ILKAP: variants seen among roughly 807,000 people sequenced by gnomAD.
ILKAP encodes integrin-linked kinase-associated serine/threonine phosphatase 2C.
A neutral mutation model predicts 49.1 loss-of-function variants in ILKAP; 11 were observed. The observed-to-expected ratio is 0.22, with a 90% CI of 0.14 to 0.37. The LOEUF is 0.37. Ranked by LOEUF, ILKAP falls within the 10% of genes least tolerant of loss-of-function variation. ILKAP has a pLI of 1.00. For synonymous variants in ILKAP, 186 were observed against 192.8 expected (o/e 0.96, Z 0.29); for missense variants, 363 against 510.8 (o/e 0.71, Z 2.79).
chr2:238,191,797 C>T lies in ILKAP; in HGVS notation c.179-1825G>A, dbSNP rs146177282. ...GGTAGCGCCTGTAATCCCAGCTACT[C>T]GGGAGGCTGAGGCACGAGACTCACT... On this transcript the variant is annotated intron_variant, in intron 3 of 11. Coordinates refer to ENST00000254654, the MANE Select transcript of ILKAP (RefSeq NM_030768.3). Among the ~76,000 whole-genome samples, 777 of 151,670 alleles carry T rather than the reference C, an allele frequency of 5.1e-3. 8 individuals are homozygous for T. The highest frequency in any genetic ancestry group is 0.022 in the East Asian group (114 of 5,152).
intron 11 of ILKAP, 27 bp from the exon 12 acceptor site, chr2:238,170,703 A>T (rs1693176204): frequency 6.3e-7 from 1 of 1,595,428 alleles, no homozygotes; most frequent in African/African-American, 1.3e-5. Context: ...GGAATGAGTG[A>T]ATGGAGTGAC....
At chr2:238,174,343 C>T (rs371534981) in intron 9 of ILKAP, among the ~76,000 whole-genome samples, 57 of 152,294 alleles carry the variant, frequency 3.7e-4, no homozygotes, top group African/African-American at 1.3e-3. Flanking sequence ...AAGCCTACTG[C>T]CCCAAAGAAC....
chr2:238,180,881 G>C (rs1305790390), intron 9 of ILKAP, among the ~76,000 whole-genome samples: 1 of 152,250 alleles, frequency 6.6e-6, no homozygotes, highest in Non-Finnish European at 1.5e-5. Context: ...TTACAAGAAA[G>C]GGGAGAAGAG....
At chr2:238,195,089 T>C (rs988489531) in intron 1 of ILKAP, among the ~76,000 whole-genome samples, 5 of 152,250 alleles carry the variant, frequency 3.3e-5, no homozygotes, top group African/African-American at 9.6e-5. Flanking sequence ...AAAGCAATGA[T>C]TGATGCCCTA....
In ILKAP at chr2:238,194,797, G is replaced by A. The variant is rs1019305871; in HGVS notation, c.121+8C>T. The A allele has an allele frequency of 6.2e-7, 1 of 1,613,568 alleles. No individual in the cohort carries two copies. The highest frequency in any genetic ancestry group is 1.3e-5 in the African/African-American group (1 of 74,926). ...TGACACACACCTGGGAGAGCCTGAA[G>A]ACTGTACCTGAGTCAGTACTGCTGG... On this transcript the variant is annotated splice_region_variant and intron_variant, in intron 2 of 11. Transcript: ENST00000254654.
chr2:238,198,291 T>A (rs1165675296), intron 1 of ILKAP, among the ~76,000 whole-genome samples: 1 of 151,878 alleles, frequency 6.6e-6, no homozygotes, highest in Non-Finnish European at 1.5e-5. Flanking sequence ...CAGGTTGGAG[T>A]GCAGTGGTGT....
chr2:238,180,981 G>A (rs1042639633), intron 9 of ILKAP, among the ~76,000 whole-genome samples: 2 of 152,190 alleles, frequency 1.3e-5, no homozygotes, highest in African/African-American at 4.8e-5. Context: ...CAAAAACTGG[G>A]CCAACAGCAC....
At chr2:238,185,602 G>C (rs10187111) in intron 5 of ILKAP, 2,770 of 244,830 alleles carry the variant, frequency 0.011, 51 homozygotes, top group African/African-American at 0.045. Flanking sequence ...AGGAGATCAA[G>C]ACCATCCTGG....
At chr2:238,196,553 A>G (rs571874331) in intron 1 of ILKAP, among the ~76,000 whole-genome samples, 3 of 152,172 alleles carry the variant, frequency 2.0e-5, no homozygotes, top group East Asian at 3.9e-4. Flanking sequence ...AAACAAATAA[A>G]TTTATATCCC....
In ILKAP at chr2:238,203,486, C is replaced by T; in HGVS notation, c.55+13G>A. 1 of 1,248,114 alleles carries T rather than the reference C, an allele frequency of 8.0e-7. No individual in the cohort carries two copies. Among genetic ancestry groups the T allele is most frequent in the South Asian group, 2.0e-5 (1 of 50,860 alleles). The allele number at this position is 1,248,114 out of a possible 1,614,324, so 77.3% of individuals were successfully genotyped here. A position where few individuals can be genotyped will look rare whatever the true frequency, so the allele number is the denominator to read the frequency against. On this transcript the variant is annotated intron_variant, in intron 1 of 11. Coordinates refer to ENST00000254654, the MANE Select transcript of ILKAP (RefSeq NM_030768.3). ...CTCCCTTCCCTGGCCGGCCCGGCGGCAACGCCGCTTACCGGCAGCCGGGCG... is the reference window on the plus strand; with the variant it reads ...CTCCCTTCCCTGGCCGGCCCGGCGGTAACGCCGCTTACCGGCAGCCGGGCG...
chr2:238,183,563 T>C lies in ILKAP; in HGVS notation c.714+90A>G, dbSNP rs543118450. The C allele has an allele frequency of 2.7e-5, 24 of 902,872 alleles. No homozygotes were observed. The South Asian group carries it at 3.1e-4, about 12-fold the overall frequency. The allele number at this position is 902,872 out of a possible 1,614,324, so 55.9% of individuals were successfully genotyped here. On this transcript the variant is annotated intron_variant, in intron 8 of 11. Transcript: ENST00000254654. ...GAAGAAAGGTTTCAACCAGACACCATCACTTTAATCTTATTCAACAAGTAC... is the reference window on the plus strand; with the variant it reads ...GAAGAAAGGTTTCAACCAGACACCACCACTTTAATCTTATTCAACAAGTAC...
chr2:238,201,133 C>T (rs527980611), intron 1 of ILKAP, among the ~76,000 whole-genome samples: 2 of 152,230 alleles, frequency 1.3e-5, no homozygotes, highest in Admixed American at 1.3e-4. Context: ...ACAGTTTAGA[C>T]TCATTATTCC....
chr2:238,201,652 T>G (rs1234354476), intron 1 of ILKAP, among the ~76,000 whole-genome samples: 2 of 152,256 alleles, frequency 1.3e-5, no homozygotes, highest in Non-Finnish European at 2.9e-5. Context: ...CCAGGTTTTT[T>G]GTCAGTCAAG....
At chr2:238,202,719 C>G (rs1694620413) in intron 1 of ILKAP, among the ~76,000 whole-genome samples, 1 of 151,996 alleles carries the variant, frequency 6.6e-6, no homozygotes, top group Non-Finnish European at 1.5e-5. Context: ...AGATGAAACC[C>G]GGAGACTGTA....
intron 6 of ILKAP, among the ~76,000 whole-genome samples, chr2:238,184,369 T>C (rs1180379122): frequency 6.6e-6 from 1 of 152,104 alleles, no homozygotes; most frequent in Non-Finnish European, 1.5e-5. Context: ...TTTGTGTTTT[T>C]AGTAGAGACA....
chr2:238,202,554 C>CAG (rs554952998), intron 1 of ILKAP, among the ~76,000 whole-genome samples: 146 of 152,306 alleles, frequency 9.6e-4, no homozygotes, highest in African/African-American at 3.3e-3. Context: ...ACCCCACTCT[C>CAG]AGGGATTCGG....
chr2:238,203,302 G>A (rs1694654291), intron 1 of ILKAP, among the ~76,000 whole-genome samples, 197 bp downstream of exon 1: 2 of 150,690 alleles, frequency 1.3e-5, no homozygotes, highest in Non-Finnish European at 3.0e-5. Context: ...GCCTCTCCGA[G>A]CTCCGCGAGC....
At chr2:238,187,272 C>T (rs1693945613) in intron 5 of ILKAP, among the ~76,000 whole-genome samples, 1 of 152,124 alleles carries the variant, frequency 6.6e-6, no homozygotes, top group Non-Finnish European at 1.5e-5. Context: ...GTATCTCGTC[C>T]CCTCTACATA....
chr2:238,194,657 G>A (rs1156397192), intron 2 of ILKAP, 148 bp downstream of exon 2: 3 of 776,632 alleles, frequency 3.9e-6, no homozygotes, highest in Non-Finnish European at 6.3e-6. Context: ...TGCCTTACCT[G>A]ATGCCATGGA....
Sources: gnomAD v4.1 joint callset for allele counts (sites outside exome capture counted in the v4.1 genomes callset) on GRCh38, gnomAD v4.1.1 for gene constraint, MANE v1.5 for transcripts, NCBI Gene and HGNC (gene_info 2026-07-23, HGNC 2026-07-21) for gene names.